The following DSCAM variants were observed in gnomAD, a reference collection of about 807,000 sequenced individuals.
DSCAM encodes the protein cell adhesion molecule DSCAM.
A neutral mutation model predicts 217.7 loss-of-function variants in DSCAM; 47 were observed. That is an observed-to-expected ratio of 0.22 (90% CI 0.17 to 0.28). The LOEUF (loss-of-function observed/expected upper bound fraction) is 0.28, where lower values mean the gene tolerates loss of function less well. DSCAM is among the 10% of genes least tolerant of loss of function. The probability of loss-of-function intolerance (pLI) is 1.00; values close to 1 mark genes in which losing one functional copy is unlikely to be tolerated. For synonymous variants in DSCAM, 1,056 were observed against 1,015.3 expected (o/e 1.04, Z -0.76); for missense variants, 2,080 against 2,618.3 (o/e 0.79, Z 4.49).
At chr21:40,486,372 C>G (rs753216236) in intron 3 of DSCAM, among the ~76,000 whole-genome samples, 8 of 152,038 alleles carry the variant, frequency 5.3e-5, no homozygotes, top group Non-Finnish European at 1.0e-4. Flanking sequence ...ATCCTAGCCA[C>G]CAACCATTGT....
chr21:40,184,097 C>T (rs990195296), intron 14 of DSCAM, among the ~76,000 whole-genome samples: 17 of 152,116 alleles, frequency 1.1e-4, no homozygotes, highest in African/African-American at 4.1e-4. Context: ...CCAAGACATG[C>T]TATGAATAGT....
intron 27 of DSCAM, among the ~76,000 whole-genome samples, chr21:40,071,614 T>C (rs960036928): frequency 6.6e-6 from 1 of 152,244 alleles, no homozygotes; most frequent in Non-Finnish European, 1.5e-5. Context: ...TTTTCTATAA[T>C]TCAAATCTCC....
chr21:40,047,417 C>T (rs1039354013), intron 30 of DSCAM, among the ~76,000 whole-genome samples: 2 of 152,112 alleles, frequency 1.3e-5, no homozygotes, highest in East Asian at 1.9e-4. Flanking sequence ...AAATAAAACT[C>T]GGTGATTAAG....
chr21:40,675,945 A>G (rs1396535662), intron 3 of DSCAM, among the ~76,000 whole-genome samples: 1 of 152,208 alleles, frequency 6.6e-6, no homozygotes, highest in African/African-American at 2.4e-5. Flanking sequence ...TATAGCCACT[A>G]TTAGTAAAAA....
chr21:40,633,082 AC>A (rs2089713773), intron 3 of DSCAM, among the ~76,000 whole-genome samples: 1 of 151,870 alleles, frequency 6.6e-6, no homozygotes, highest in South Asian at 2.1e-4. Context: ...GCTATTTAAA[AC>A]CCCCTTTAGG....
intron 1 of DSCAM, among the ~76,000 whole-genome samples, chr21:40,787,972 G>A (rs1313937354): frequency 6.6e-6 from 1 of 152,164 alleles, no homozygotes; most frequent in African/African-American, 2.4e-5. Flanking sequence ...AGGATTGAAG[G>A]CATCTGCTGG....
intron 20 of DSCAM, among the ~76,000 whole-genome samples, chr21:40,100,544 A>G (rs2089736903): frequency 6.6e-6 from 1 of 152,138 alleles, no homozygotes; most frequent in Non-Finnish European, 1.5e-5. Context: ...CTCTCTTCCA[A>G]ATATAGAGAA....
intron 3 of DSCAM, among the ~76,000 whole-genome samples, chr21:40,479,010 A>G (rs1278332368): frequency 6.6e-6 from 1 of 152,194 alleles, no homozygotes; most frequent in Admixed American, 6.5e-5. Flanking sequence ...ACCATGGTTG[A>G]TCAAGGAAAA....
intron 4 of DSCAM, among the ~76,000 whole-genome samples, chr21:40,363,304 G>C (rs904866688): frequency 6.9e-6 from 1 of 144,054 alleles, no homozygotes; most frequent in Non-Finnish European, 1.5e-5. Context: ...CCAGGCTGGA[G>C]TGCAATGGTG....
At chr21:40,752,297 A>T (rs565882748) in intron 1 of DSCAM, among the ~76,000 whole-genome samples, 10 of 152,182 alleles carry the variant, frequency 6.6e-5, no homozygotes, top group African/African-American at 2.4e-4. Context: ...CTTCCTCCTG[A>T]CTGAGCACAG....
intron 3 of DSCAM, among the ~76,000 whole-genome samples, chr21:40,429,689 T>C (rs1052743819): frequency 6.6e-6 from 1 of 152,224 alleles, no homozygotes; most frequent in Admixed American, 6.5e-5. Flanking sequence ...ATAATGTCAG[T>C]AGAGAATTAA....
intron 1 of DSCAM, among the ~76,000 whole-genome samples, chr21:40,724,281 T>C (rs1263803538): frequency 5.9e-5 from 9 of 152,122 alleles, no homozygotes; most frequent in Non-Finnish European, 1.3e-4. Context: ...GTAAAGCACA[T>C]GAATAAACCA....
At chr21:40,782,310 T>G (rs1307454454) in intron 1 of DSCAM, among the ~76,000 whole-genome samples, 1 of 152,226 alleles carries the variant, frequency 6.6e-6, no homozygotes, top group African/African-American at 2.4e-5. Context: ...CCTCTGCCTT[T>G]CTTAACTTCT....
chr21:40,221,344 C>A (rs1022252313), intron 11 of DSCAM, among the ~76,000 whole-genome samples: 46 of 151,194 alleles, frequency 3.0e-4, no homozygotes, highest in African/African-American at 1.1e-3. Flanking sequence ...AAAATTATTT[C>A]ATATGTATAT....
At chr21:40,359,352 G>T (rs568225247) in intron 4 of DSCAM, among the ~76,000 whole-genome samples, 51 of 152,212 alleles carry the variant, frequency 3.4e-4, no homozygotes, top group African/African-American at 1.2e-3. Flanking sequence ...CATCACATTG[G>T]CTAGAGTTTA....
chr21:40,637,118 T>TATATATATAAATATATAA lies in DSCAM; in HGVS notation c.508+55691_508+55692insTTATATATTTATATATAT, dbSNP rs1568953323. Among the ~76,000 whole-genome samples, 19 of 70,554 alleles carry TATATATATAAATATATAA rather than the reference T, an allele frequency of 2.7e-4. 4 individuals carry two copies. The highest frequency in any genetic ancestry group is 5.1e-4 in the Non-Finnish European group (19 of 37,616). The allele number at this position is 70,554 out of a possible 152,430, so 46.3% of individuals were successfully genotyped here. ...GAGGCCCTTCTCATTCATATATATA[T>TATATATATAAATATATAA]ATATATATATAAATATATAAATATA... On this transcript the variant is annotated intron_variant, in intron 3 of 32. Transcript: ENST00000400454.
At chr21:40,699,768 G>C (rs1422463168) in intron 2 of DSCAM, among the ~76,000 whole-genome samples, 1 of 152,210 alleles carries the variant, frequency 6.6e-6, no homozygotes, top group Non-Finnish European at 1.5e-5. Context: ...GAAGCTAGCA[G>C]AGGTTGGCTA....
At chr21:40,136,150 C>T (rs778219908) in intron 18 of DSCAM, among the ~76,000 whole-genome samples, 8 of 152,040 alleles carry the variant, frequency 5.3e-5, no homozygotes, top group African/African-American at 1.7e-4. Flanking sequence ...GGAGGGCTTA[C>T]GAAAATGAGG....
chr21:40,122,297 A>G (rs564427704), intron 20 of DSCAM, among the ~76,000 whole-genome samples: 140 of 152,266 alleles, frequency 9.2e-4, no homozygotes, highest in Non-Finnish European at 1.7e-3. Context: ...TTTAGTGCAG[A>G]GATAAAGATA....
Sources: gnomAD v4.1 joint callset for allele counts (sites outside exome capture counted in the v4.1 genomes callset) on GRCh38, gnomAD v4.1.1 for gene constraint, MANE v1.5 for transcripts, NCBI Gene and HGNC (gene_info 2026-07-23, HGNC 2026-07-21) for gene names.